The following ASXL2 variants were observed in gnomAD, a reference collection of about 807,000 sequenced individuals.
ASXL2 encodes ASXL transcriptional regulator 2.
In ASXL2, 23 loss-of-function variants were observed where a neutral mutation model predicts 122.0. The ratio of observed to expected loss-of-function variants is 0.19; its 90% confidence interval spans 0.14 to 0.27. ASXL2 has a LOEUF of 0.27. Ranked by LOEUF, ASXL2 falls within the 10% of genes least tolerant of loss-of-function variation. The pLI is 1.00. For synonymous variants in ASXL2, 650 were observed against 637.0 expected, an observed-to-expected ratio of 1.02 and a Z score of -0.31; for missense variants, 1,518 against 1,713.8, an observed-to-expected ratio of 0.89 and a Z score of 2.02.
intron 2 of ASXL2, among the ~76,000 whole-genome samples, chr2:25,840,475 C>A (rs367831713): frequency 6.6e-6 from 1 of 152,196 alleles, no homozygotes; most frequent in Non-Finnish European, 1.5e-5. Context: ...ATCTTTAGAA[C>A]GTTTTCAACG....
chr2:25,862,589 T>C (rs530090466), intron 1 of ASXL2, among the ~76,000 whole-genome samples: 1 of 152,142 alleles, frequency 6.6e-6, no homozygotes, highest in Non-Finnish European at 1.5e-5. Flanking sequence ...AAAGAATAAT[T>C]TGTGGTTTTG....
At chr2:25,779,778 T>C (rs554569256) in intron 5 of ASXL2, among the ~76,000 whole-genome samples, 7 of 152,312 alleles carry the variant, frequency 4.6e-5, no homozygotes, top group African/African-American at 1.4e-4. Flanking sequence ...TATTACTCTA[T>C]AGAAAATCAT....
At chr2:25,786,979 C>CA (rs368718510) in intron 5 of ASXL2, among the ~76,000 whole-genome samples, 62,555 of 138,352 alleles carry the variant, frequency 0.45, 14,486 homozygotes, top group Non-Finnish European at 0.55. Flanking sequence ...TACAAAATGG[C>CA]AAAAAAAAAA....
chr2:25,856,369 T>TTTTTTTC, intron 1 of ASXL2: 2 of 399,230 alleles, frequency 5.0e-6, no homozygotes, highest in Admixed American at 6.9e-5. Context: ...TATACTTTTT[T>TTTTTTTC]TTTTTTTTTT....
intron 1 of ASXL2, among the ~76,000 whole-genome samples, chr2:25,850,953 A>G (rs1259908877): frequency 1.3e-5 from 2 of 152,168 alleles, no homozygotes; most frequent in Non-Finnish European, 2.9e-5. Flanking sequence ...AGCCTGGCCA[A>G]CATGGTGAAA....
intron 1 of ASXL2, among the ~76,000 whole-genome samples, chr2:25,846,320 C>T (rs919871763): frequency 1.3e-5 from 2 of 152,128 alleles, no homozygotes; most frequent in African/African-American, 4.8e-5. Flanking sequence ...GCTAACCTTG[C>T]AAGGGGTCCT....
At chr2:25,801,621 ATCT>A (rs908196956) in intron 4 of ASXL2, among the ~76,000 whole-genome samples, 2 of 152,154 alleles carry the variant, frequency 1.3e-5, no homozygotes, top group African/African-American at 2.4e-5. Context: ...AAATATAATT[ATCT>A]TCTTTTCTTA....
chr2:25,743,128 AGAGTCT>A lies in ASXL2; in HGVS notation c.3203_3208del (p.Gln1068_Thr1069del). The A allele has an allele frequency of 6.2e-7, 1 of 1,613,954 alleles. No homozygotes were observed. The highest frequency in any genetic ancestry group is 1.1e-5 in the South Asian group (1 of 91,080). ...ATTCTGCCTCCGAACCCTCTGAATG[AGAGTCT>A]GAAGGATCTGATCTTGGGTTGCTTT... On this transcript the variant is annotated inframe_deletion, in exon 13 of 13. Coordinates refer to ENST00000435504, the MANE Select transcript of ASXL2 (RefSeq NM_018263.6).
intron 3 of ASXL2, among the ~76,000 whole-genome samples, chr2:25,818,744 C>T (rs571063890): frequency 2.1e-4 from 32 of 152,122 alleles, no homozygotes; most frequent in Middle Eastern, 3.4e-3. Flanking sequence ...TAGAAAATCA[C>T]CATATGCGGC....
intron 3 of ASXL2, chr2:25,822,600 A>T: frequency 1.9e-6 from 1 of 531,438 alleles, no homozygotes; most frequent in South Asian, 1.6e-5. Flanking sequence ...AGAGGAAGTG[A>T]TAATTTTAAG....
intron 1 of ASXL2, among the ~76,000 whole-genome samples, chr2:25,858,177 C>T (rs1328408888): frequency 3.3e-5 from 5 of 152,072 alleles, no homozygotes; most frequent in Non-Finnish European, 7.4e-5. Context: ...AGACAATTAC[C>T]AAAGAACTGC....
intron 12 of ASXL2, among the ~76,000 whole-genome samples, chr2:25,746,917 T>C (rs2087952803): frequency 6.6e-6 from 1 of 152,198 alleles, no homozygotes; most frequent in African/African-American, 2.4e-5. Flanking sequence ...TCCCTTGGTA[T>C]CCATGGGGGA....
rs2087816873 is a variant in ASXL2, at chr2:25,740,957, A to G, written c.*1072T>C. ...ATTGGTGAGCTTTTCTACCTGCAAC[A>G]GCAGCTGACTATCTAGCACTAGGTT... On this transcript the variant is annotated 3_prime_UTR_variant, in exon 13 of 13. Coordinates refer to ENST00000435504, the MANE Select transcript of ASXL2 (RefSeq NM_018263.6). 5.2e-6 allele frequency: 1 copy of G among 192,490 alleles called. No individual in the cohort carries two copies. Among genetic ancestry groups the G allele is most frequent in the Non-Finnish European group, 1.1e-5 (1 of 92,210 alleles). 11.9% of individuals were successfully genotyped at this position (192,490 alleles called of 1,614,324 possible).
intron 3 of ASXL2, among the ~76,000 whole-genome samples, chr2:25,828,834 A>AAC (rs1553703398): frequency 1.3e-5 from 2 of 150,960 alleles, no homozygotes; most frequent in African/African-American, 2.4e-5. Flanking sequence ...CAAAAAAAAA[A>AAC]AAAAAAAAAA....
At chr2:25,822,139 T>A (rs1020414566) in intron 3 of ASXL2, among the ~76,000 whole-genome samples, 4 of 152,118 alleles carry the variant, frequency 2.6e-5, no homozygotes, top group African/African-American at 9.7e-5. Flanking sequence ...AAAATGATAA[T>A]AAAAGGTAAA....
intron 3 of ASXL2, among the ~76,000 whole-genome samples, chr2:25,835,230 C>T (rs1460258973): frequency 6.6e-6 from 1 of 152,292 alleles, no homozygotes; most frequent in South Asian, 2.1e-4. Flanking sequence ...TAAATACTTT[C>T]ATTATTACTC....
At chr2:25,811,418 CA>C (rs1225440771) in intron 3 of ASXL2, among the ~76,000 whole-genome samples, 5 of 151,614 alleles carry the variant, frequency 3.3e-5, no homozygotes, top group Admixed American at 3.3e-4. Flanking sequence ...AACAAAACTA[CA>C]GAAAATATAT....
intron 1 of ASXL2, among the ~76,000 whole-genome samples, chr2:25,869,412 G>A (rs1052046517): frequency 6.6e-6 from 1 of 152,026 alleles, no homozygotes; most frequent in Non-Finnish European, 1.5e-5. Context: ...GCATTCCTAT[G>A]TAAGAAACTC....
intron 1 of ASXL2, among the ~76,000 whole-genome samples, chr2:25,857,695 C>T (rs1321067414): frequency 6.6e-6 from 1 of 152,124 alleles, no homozygotes; most frequent in African/African-American, 2.4e-5. Context: ...ATTTAAATCA[C>T]GAACTACTTC....
Sources: allele counts gnomAD v4.1 joint callset (sites outside exome capture counted in the v4.1 genomes callset), GRCh38; gene constraint gnomAD v4.1.1; transcripts MANE v1.5; gene names NCBI Gene and HGNC (gene_info 2026-07-23, HGNC 2026-07-21).